The following LRP5 variants were observed in gnomAD, a reference collection of about 807,000 sequenced individuals.
LRP5 encodes the protein LDL receptor related protein 5.
A neutral mutation model predicts 154.1 loss-of-function variants in LRP5; 62 were observed. The ratio of observed to expected loss-of-function variants is 0.40; its 90% CI spans 0.33 to 0.50. The LOEUF (loss-of-function observed/expected upper bound fraction) is 0.50. Ranked by LOEUF, LRP5 falls within the 20% of genes least tolerant of loss-of-function variation. The pLI is 0.55. For missense variants in LRP5, 1,915 were observed against 2,336.7 expected (o/e 0.82, Z 3.72); for synonymous variants, 966 against 1,011.5 (o/e 0.96, Z 0.85).
Position 68,409,073 on chromosome 11 carries a change from A to AAT in LRP5, c.2092-819_2092-818dup, listed in dbSNP as rs1174773377. On this transcript the variant is annotated intron_variant, in intron 9 of 22. Transcript: ENST00000294304. ...GGGGAAAAAAAAAAAAAAAAAAAAA[A>AAT]ATATATATATATATATATATATACA... Among the ~76,000 whole-genome samples, 85 of 44,158 alleles carry AAT rather than the reference A, an allele frequency of 1.9e-3. 2 individuals are homozygous for AAT. The highest frequency in any genetic ancestry group is 8.1e-3 in the African/African-American group (63 of 7,762). 29.0% of individuals were successfully genotyped at this position (44,158 alleles called of 152,430 possible).
In LRP5 at chr11:68,353,908, G is replaced by T. The variant is rs896093648; in HGVS notation, c.489-3742G>T. The stretch of plus-strand genomic sequence containing the variant: ...GGCCCCGTGCGGACATCCAGGCAGG[G>T]TTGAGGGAAGGCACATCCCTCCCAG... On this transcript the variant is annotated intron_variant, in intron 2 of 22. Coordinates refer to ENST00000294304, the MANE Select transcript of LRP5 (RefSeq NM_002335.4). The surrounding 1 kb of genome is among the most constrained non-coding windows in gnomAD (Gnocchi z 4.5). 2.0e-5 allele frequency among the ~76,000 whole-genome samples: 3 copies of T among 152,218 alleles called. No individual in the cohort carries two copies. The highest frequency in any genetic ancestry group is 1.3e-4 in the Admixed American group (2 of 15,286).
intron 5 of LRP5, among the ~76,000 whole-genome samples, chr11:68,366,295 G>C (rs1271129083): frequency 6.6e-6 from 1 of 152,094 alleles, no homozygotes; most frequent in East Asian, 1.9e-4. Context: ...CCTGCTTCCT[G>C]TGCCGGTGTC....
chr11:68,379,930 C>T (rs2153148750), intron 5 of LRP5, among the ~76,000 whole-genome samples: 1 of 152,216 alleles, frequency 6.6e-6, no homozygotes, highest in Non-Finnish European at 1.5e-5. Context: ...TCAGGAGTTC[C>T]AGACCAGCCT....
chr11:68,411,806 G>A (rs920395890), intron 11 of LRP5, among the ~76,000 whole-genome samples, 186 bp downstream of exon 11: 1 of 152,216 alleles, frequency 6.6e-6, no homozygotes, highest in Non-Finnish European at 1.5e-5. Context: ...CCACCCCTGG[G>A]TGCCTTTGCT....
At chr11:68,414,662 T>G (rs1418138618) in intron 12 of LRP5, among the ~76,000 whole-genome samples, 1 of 152,166 alleles carries the variant, frequency 6.6e-6, no homozygotes, top group Admixed American at 6.5e-5. Flanking sequence ...CCCCATGACA[T>G]CAGCAGCGAG....
chr11:68,404,355 G>C (rs1288427094), intron 8 of LRP5: 2 of 526,982 alleles, frequency 3.8e-6, no homozygotes, highest in Non-Finnish European at 7.4e-6. Flanking sequence ...GTCAATCTTT[G>C]CTGATGAAGG....
chr11:68,387,332 C>T (rs932252394), intron 6 of LRP5, among the ~76,000 whole-genome samples: 1 of 152,098 alleles, frequency 6.6e-6, no homozygotes, highest in Non-Finnish European at 1.5e-5. Flanking sequence ...CCAGGCTGGT[C>T]GCAAACTCCT....
intron 16 of LRP5, among the ~76,000 whole-genome samples, chr11:68,427,552 C>T (rs641894): frequency 0.087 from 13,151 of 152,010 alleles, 708 homozygotes; most frequent in Middle Eastern, 0.15. Flanking sequence ...TGGTGGCAGG[C>T]GCCTGTATTC....
chr11:68,420,709 A>G (rs887828283), intron 13 of LRP5, among the ~76,000 whole-genome samples: 28 of 151,998 alleles, frequency 1.8e-4, no homozygotes, highest in Non-Finnish European at 4.0e-4. Context: ...CTGTCTCAAA[A>G]AAAAAAAAAA....
At chr11:68,419,540 A>ATTT (rs1264189213) in intron 13 of LRP5, among the ~76,000 whole-genome samples, 51 of 112,868 alleles carry the variant, frequency 4.5e-4, no homozygotes, top group African/African-American at 1.6e-3. Flanking sequence ...AGCCATTTTA[A>ATTT]TTTTTTTTTT....
Position 68,421,240 on chromosome 11 carries a change from T to C in LRP5, c.3028-2249T>C, listed in dbSNP as rs566184689. Reference sequence around the variant, plus strand: ...AGACTCCGTCTCACGCAAAACTCTGTCTCACGCAAGACTCCGTCTCAAAAA... The same window carrying C: ...AGACTCCGTCTCACGCAAAACTCTGCCTCACGCAAGACTCCGTCTCAAAAA... On this transcript the variant is annotated intron_variant, in intron 13 of 22. Coordinates refer to ENST00000294304, the MANE Select transcript of LRP5 (RefSeq NM_002335.4). Among the ~76,000 whole-genome samples, 42 of 151,824 alleles carry C rather than the reference T, an allele frequency of 2.8e-4. 1 individual carries two copies. The highest frequency in any genetic ancestry group is 5.2e-4 in the Non-Finnish European group (35 of 67,948).
rs773170628 is a variant in LRP5, at chr11:68,413,956, A to G, written c.2771A>G (p.His924Arg). 3.7e-6 allele frequency: 6 copies of G among 1,608,430 alleles called. No homozygotes were observed. The South Asian group carries it at 6.6e-5, about 18-fold the overall frequency. ...GQLCLAIPGG[H>R]RCGCASHYTL... ...CTGTGCCTTGCCATCCCCGGCGGCC[A>G]CCGCTGCGGCTGCGCCTCACACTAC... Residue 924 changes from histidine to arginine, a missense_variant, in exon 12 of 23, where the codon CAC (histidine) becomes CGC (arginine). Around this residue, in one of 3 missense-constraint regions of LRP5, gnomAD observed 1,094 missense variants for 1,210.1 expected, o/e 0.90. Coordinates refer to ENST00000294304, the MANE Select transcript of LRP5 (RefSeq NM_002335.4). This position sits in a 1 kb window ranked among gnomAD's most constrained non-coding sequence, Gnocchi z 5.1.
Position 68,449,113 on chromosome 11 carries a change from G to A in LRP5, c.*43G>A. ...TGGCTTCTCTGTGCCCCTGTAAATA[G>A]TTTTAAATATGAACAAAGAAAAAAA... On this transcript the variant is annotated 3_prime_UTR_variant, in exon 23 of 23. Transcript: ENST00000294304. The A allele has an allele frequency of 7.3e-7, 1 of 1,363,112 alleles. No individual in the cohort carries two copies. Among genetic ancestry groups the A allele is most frequent in the Non-Finnish European group, 9.6e-7 (1 of 1,041,292 alleles). The allele number at this position is 1,363,112 out of a possible 1,614,324, so 84.4% of individuals were successfully genotyped here.
At chr11:68,430,321 A>G (rs1422342020) in intron 17 of LRP5, among the ~76,000 whole-genome samples, 1 of 152,054 alleles carries the variant, frequency 6.6e-6, no homozygotes, top group African/African-American at 2.4e-5. Context: ...TTACAGGTGC[A>G]CGCCACCATA....
chr11:68,386,489 A>T lies in LRP5; in HGVS notation c.1189A>T (p.Ile397Phe). 6.2e-7 allele frequency: 1 copy of T among 1,614,076 alleles called. No homozygotes were observed. The highest frequency in any genetic ancestry group is 8.5e-7 in the Non-Finnish European group (1 of 1,180,018). The change falls in exon 6 of 23, where the codon ATC becomes TTC. Residue 397 changes from isoleucine (I) to phenylalanine (F), a missense_variant. Transcript: ENST00000294304. The surrounding 1 kb of genome is among the most constrained non-coding windows in gnomAD (Gnocchi z 7.9). Reference protein sequence around the residue: ...VYWTDDEVRAIRRAYLDGSGA... With the variant: ...VYWTDDEVRAFRRAYLDGSGA... ...CTGGACAGATGACGAGGTGCGGGCC[A>T]TCCGCAGGGCGTACCTGGACGGGTC...
Position 68,438,630 on chromosome 11 carries a change from C to A in LRP5, c.4296C>A (p.His1432Gln). The A allele has an allele frequency of 6.2e-7, 1 of 1,613,664 alleles. No individual in the cohort carries two copies. Among genetic ancestry groups the A allele is most frequent in the Non-Finnish European group, 8.5e-7 (1 of 1,179,978 alleles). Residue 1432 changes from histidine to glutamine, a missense_variant, in exon 20 of 23, where the codon CAC (histidine) becomes CAA (glutamine). His to Gln is a conservative substitution (Grantham distance 24). Transcript: ENST00000294304. Reference protein sequence around the residue: ...FPHEYVSGTPHVPLNFIAPGG... With the variant: ...FPHEYVSGTPQVPLNFIAPGG... Reference sequence around the variant, plus strand: ...ACGAGTATGTCAGCGGGACCCCGCACGTGCCCCTCAATTTCATAGCCCCGG... The same window carrying A: ...ACGAGTATGTCAGCGGGACCCCGCAAGTGCCCCTCAATTTCATAGCCCCGG...
chr11:68,303,816 T>C, the LRP5 span, among the ~76,000 whole-genome samples: 1 of 152,206 alleles, frequency 6.6e-6, no homozygotes, highest in Non-Finnish European at 1.5e-5. Flanking sequence ...CAGCAAAGCA[T>C]TCAAGATGTG....
At chr11:68,371,345 C>T (rs1312584068) in intron 5 of LRP5, among the ~76,000 whole-genome samples, 2 of 152,178 alleles carry the variant, frequency 1.3e-5, no homozygotes, top group African/African-American at 2.4e-5. Flanking sequence ...GGTTGGAGGA[C>T]AGGCACGGCC....
At chr11:68,426,239 C>G (rs1251271735) in intron 16 of LRP5, 52 bp downstream of exon 16, 10 of 1,455,104 alleles carry the variant, frequency 6.9e-6, no homozygotes, top group Non-Finnish European at 9.4e-6. Context: ...AACCCGACCC[C>G]TGGAGGAGGC....
Sources: allele counts gnomAD v4.1 joint callset (sites outside exome capture counted in the v4.1 genomes callset), GRCh38; gene constraint gnomAD v4.1.1; regional missense constraint gnomAD v4.1.1; non-coding constraint Gnocchi (gnomAD v3.1); transcripts MANE v1.5; gene names NCBI Gene and HGNC (gene_info 2026-07-23, HGNC 2026-07-21).